AKAP6: variants seen among roughly 807,000 people sequenced by gnomAD.
AKAP6 encodes the protein A-kinase anchoring protein 6, also known as A-kinase anchor protein 6.
Under a neutral mutation model 188.5 loss-of-function variants are expected in AKAP6, and 58 were observed. The observed-to-expected ratio is 0.31, with a 90% CI of 0.25 to 0.38. The LOEUF is 0.38. Among genes scored for constraint, AKAP6 ranks in the 10% least tolerant of loss-of-function variants. AKAP6 has a pLI of 1.00. For synonymous variants in AKAP6, 989 were observed against 998.6 expected, an observed-to-expected ratio of 0.99 and a Z score of 0.18; for missense variants, 2,710 against 2,740.0, an observed-to-expected ratio of 0.99 and a Z score of 0.24.
chr14:32,463,794 T>C (rs931011243), intron 2 of AKAP6, among the ~76,000 whole-genome samples: 2 of 152,068 alleles, frequency 1.3e-5, no homozygotes, highest in East Asian at 1.9e-4. Context: ...AAAAAATCGA[T>C]GAACCCAGGA....
chr14:32,717,653 T>C (rs1249814914), intron 9 of AKAP6, among the ~76,000 whole-genome samples: 1 of 151,752 alleles, frequency 6.6e-6, no homozygotes, highest in African/African-American at 2.4e-5. Flanking sequence ...TTCTCTTCGA[T>C]GTAAGAGAAA....
At chr14:32,615,095 G>C (rs758532104) in intron 7 of AKAP6, among the ~76,000 whole-genome samples, 5 of 144,088 alleles carry the variant, frequency 3.5e-5, no homozygotes, top group Non-Finnish European at 6.0e-5. Flanking sequence ...CTTAAATCCA[G>C]GCAGCAGAGG....
At chr14:32,628,414 T>C (rs890103922) in intron 7 of AKAP6, among the ~76,000 whole-genome samples, 3 of 152,084 alleles carry the variant, frequency 2.0e-5, no homozygotes, top group African/African-American at 7.2e-5. Flanking sequence ...TTGATGGGTC[T>C]TTATTAGAAT....
rs1174521461 is a variant in AKAP6 at position 32,447,049 on chromosome 14, G to A, written c.324+13232G>A. On this transcript the variant is annotated intron_variant, in intron 2 of 13. Transcript: ENST00000280979. ...GTTATGACCCCAGCTAGGCATCACA[G>A]TATGAATTCCATATTTACAACTATT... 3.9e-5 allele frequency among the ~76,000 whole-genome samples: 6 copies of A among 152,098 alleles called. No individual in the cohort carries two copies. In the South Asian group the frequency reaches 1.0e-3, roughly 26 times the overall value.
At chr14:32,355,195 C>T (rs1469420251) in intron 1 of AKAP6, among the ~76,000 whole-genome samples, 1 of 152,170 alleles carries the variant, frequency 6.6e-6, no homozygotes, top group East Asian at 1.9e-4. Flanking sequence ...CTGATACAAA[C>T]TATAATTGGT....
chr14:32,511,115 G>T (rs1381172088), intron 2 of AKAP6, among the ~76,000 whole-genome samples: 2 of 152,122 alleles, frequency 1.3e-5, no homozygotes, highest in Non-Finnish European at 1.5e-5. Flanking sequence ...TTAATTGCAG[G>T]GTCCATTTTT....
intron 4 of AKAP6, among the ~76,000 whole-genome samples, chr14:32,559,207 G>A (rs1406648136): frequency 6.6e-6 from 1 of 152,166 alleles, no homozygotes; most frequent in Admixed American, 6.5e-5. Context: ...CTAAAATTAA[G>A]AGGCCAGGAA....
chr14:32,360,029 G>A (rs1048575276), intron 1 of AKAP6, among the ~76,000 whole-genome samples: 2 of 152,174 alleles, frequency 1.3e-5, no homozygotes, highest in Non-Finnish European at 2.9e-5. Context: ...CTTGGAGGGA[G>A]GTCTATCAAA....
intron 1 of AKAP6, among the ~76,000 whole-genome samples, chr14:32,386,021 C>T (rs910193271): frequency 6.6e-6 from 1 of 150,512 alleles, no homozygotes; most frequent in Admixed American, 6.7e-5. Flanking sequence ...CTATATCTAT[C>T]TATCTATCTA....
At chr14:32,459,896 C>A (rs1005742013) in intron 2 of AKAP6, among the ~76,000 whole-genome samples, 1 of 151,576 alleles carries the variant, frequency 6.6e-6, no homozygotes, top group Non-Finnish European at 1.5e-5. Flanking sequence ...ATAGTTACTG[C>A]GGAATCTCCT....
intron 11 of AKAP6, among the ~76,000 whole-genome samples, chr14:32,744,187 T>G (rs1187830438): frequency 3.9e-5 from 6 of 152,224 alleles, no homozygotes; most frequent in African/African-American, 1.4e-4. Context: ...TTGCTTCTTT[T>G]CTCTTGCCAC....
At chr14:32,504,329 T>G (rs1011242784) in intron 2 of AKAP6, among the ~76,000 whole-genome samples, 4 of 152,118 alleles carry the variant, frequency 2.6e-5, no homozygotes, top group Non-Finnish European at 5.9e-5. Context: ...TGTCCAGGCT[T>G]GAGTGTGGTG....
intron 11 of AKAP6, among the ~76,000 whole-genome samples, chr14:32,736,588 G>A (rs917145052): frequency 6.6e-6 from 1 of 152,210 alleles, no homozygotes; most frequent in Admixed American, 6.5e-5. Context: ...TTGGGTTCTG[G>A]CTAGTGCTGG....
chr14:32,519,267 T>A (rs1881690798), intron 2 of AKAP6, among the ~76,000 whole-genome samples: 1 of 152,172 alleles, frequency 6.6e-6, no homozygotes, highest in Non-Finnish European at 1.5e-5. Context: ...CCATTGAGGC[T>A]AGGAAGTAAC....
intron 1 of AKAP6, among the ~76,000 whole-genome samples, chr14:32,357,265 A>G (rs1213867919): frequency 1.3e-5 from 2 of 152,214 alleles, no homozygotes; most frequent in African/African-American, 2.4e-5. Flanking sequence ...TAGTCTTACC[A>G]TGTAACGTAA....
rs896675629 is a variant in AKAP6, at chr14:32,433,661, C to G, written c.168C>G (p.Pro56=). 3 of 1,613,954 alleles carry G rather than the reference C, an allele frequency of 1.9e-6. No individual in the cohort carries two copies. In the South Asian group the frequency reaches 3.3e-5, roughly 18 times the overall value. ...CTGACCAGCAGTATGAAAAGCCACC[C>G]CCACTACACACAGGGGCTGACTGGA... ...MDSDQQYEKP[P]PLHTGADWKI... The change falls in exon 2 of 14, where the codon CCC becomes CCG. Residue 56 remains proline, a synonymous_variant. Transcript: ENST00000280979.
intron 8 of AKAP6, among the ~76,000 whole-genome samples, chr14:32,682,806 A>G (rs1351019274): frequency 4.6e-5 from 7 of 152,110 alleles, no homozygotes; most frequent in Non-Finnish European, 1.0e-4. Flanking sequence ...ACCAGTTGAG[A>G]ACCATTGCTT....
At chr14:32,494,783 G>A (rs778167300) in intron 2 of AKAP6, among the ~76,000 whole-genome samples, 16 of 152,056 alleles carry the variant, frequency 1.1e-4, no homozygotes, top group South Asian at 2.1e-4. Context: ...AACTGTCATA[G>A]TTCTATGTTT....
intron 11 of AKAP6, among the ~76,000 whole-genome samples, chr14:32,762,830 A>G (rs1312679410): frequency 2.0e-5 from 3 of 152,084 alleles, no homozygotes; most frequent in South Asian, 2.1e-4. Context: ...TGGTGAGTAT[A>G]CCAGATGGCA....
Sources: gnomAD v4.1 joint callset for allele counts (sites outside exome capture counted in the v4.1 genomes callset) on GRCh38, gnomAD v4.1.1 for gene constraint, MANE v1.5 for transcripts, NCBI Gene and HGNC (gene_info 2026-07-23, HGNC 2026-07-21) for gene names.